FBRSL1: variants seen among roughly 807,000 people sequenced by gnomAD.
FBRSL1 encodes fibrosin-1-like protein.
In FBRSL1, 51 loss-of-function variants were observed where a neutral mutation model predicts 89.6. The observed-to-expected ratio is 0.57, with a 90% CI of 0.45 to 0.72. FBRSL1 has a LOEUF of 0.72. FBRSL1 is among the 30% of genes least tolerant of loss of function. The pLI, the probability that FBRSL1 is intolerant of heterozygous loss-of-function variation, is 0.00. For synonymous variants in FBRSL1, 779 were observed against 681.1 expected (o/e 1.14, Z -2.24); for missense variants, 1,618 against 1,451.8 (o/e 1.11, Z -1.86).
At chr12:132,520,298 C>T (rs1250298327) in intron 2 of FBRSL1, among the ~76,000 whole-genome samples, 1 of 152,118 alleles carries the variant, frequency 6.6e-6, no homozygotes, top group Non-Finnish European at 1.5e-5. Flanking sequence ...TGTGGGAGAG[C>T]TCCCTTTCCC....
At chr12:132,528,060 T>TC in intron 4 of FBRSL1, 72 bp downstream of exon 4, 1 of 1,387,724 alleles carries the variant, frequency 7.2e-7, no homozygotes, top group Non-Finnish European at 1.0e-6. Context: ...ACCTCACCTG[T>TC]CCGAGGCCCC....
At chr12:132,562,285 G>T (rs905802149) in intron 5 of FBRSL1, among the ~76,000 whole-genome samples, 1 of 152,082 alleles carries the variant, frequency 6.6e-6, no homozygotes, top group African/African-American at 2.4e-5. Context: ...AGAGGTTCCT[G>T]TCCTTCTTTC....
chr12:132,525,714 A>G lies in FBRSL1; in HGVS notation c.490-20A>G, dbSNP rs770601088. 1.3e-6 allele frequency: 2 copies of G among 1,537,864 alleles called. No homozygotes were observed. Among genetic ancestry groups the G allele is most frequent in the South Asian group, 1.2e-5 (1 of 83,836 alleles). ...GGTGAGGTGGGGGTTTGCCTGAGAC[A>G]GTGTCTCTCTCTGTCCCAGATGAAG... On this transcript the variant is annotated intron_variant, in intron 2 of 18. Transcript: ENST00000680143.
In FBRSL1 at chr12:132,583,568, C is replaced by T. The variant is rs2040944474; in HGVS notation, c.2799C>T (p.Leu933=). The T allele has an allele frequency of 4.9e-6, 5 of 1,027,902 alleles. 1 individual carries two copies. The South Asian group carries it at 1.6e-4, about 34-fold the overall frequency. The allele number at this position is 1,027,902 out of a possible 1,614,324, so 63.7% of individuals were successfully genotyped here. A position where few individuals can be genotyped will look rare whatever the true frequency, so the allele number is the denominator to read the frequency against. The change falls in exon 19 of 19, where the codon CTC becomes CTT. Residue 933 remains leucine, a synonymous_variant. Transcript: ENST00000680143. The part of the protein sequence containing the change: ...PSLGALHFPR[L]SPAALHNGLL... ...TGGGAGCCCTGCACTTCCCGCGCCT[C>T]TCGCCCGCCGCGCTGCACAATGGGC... is the stretch of plus-strand genomic sequence containing the variant.
chr12:132,573,998 G>A, intron 11 of FBRSL1, 92 bp from the exon 12 acceptor site: 1 of 881,884 alleles, frequency 1.1e-6, no homozygotes, highest in Non-Finnish European at 1.4e-6. Flanking sequence ...AGGCAAAGCA[G>A]GGCACAGGCC....
chr12:132,512,402 A>G (rs1376744723), intron 2 of FBRSL1, among the ~76,000 whole-genome samples: 1 of 152,222 alleles, frequency 6.6e-6, no homozygotes, highest in Non-Finnish European at 1.5e-5. Flanking sequence ...AGGCCGGGGC[A>G]TGGAGGGGCC....
At chr12:132,504,415 C>T (rs899400299) in intron 1 of FBRSL1, among the ~76,000 whole-genome samples, 1 of 152,186 alleles carries the variant, frequency 6.6e-6, no homozygotes, top group African/African-American at 2.4e-5. Context: ...GTCACGGCAG[C>T]CTGCGCCCAG....
intron 5 of FBRSL1, chr12:132,551,742 G>A (rs1340825723): frequency 1.6e-5 from 6 of 370,018 alleles, no homozygotes; most frequent in Non-Finnish European, 3.3e-5. Flanking sequence ...CTGGCCCTTG[G>A]CAGGAGGCTC....
chr12:132,509,195 A>T, intron 2 of FBRSL1: 4 of 1,246,760 alleles, frequency 3.2e-6, no homozygotes, highest in Non-Finnish European at 4.0e-6. Flanking sequence ...GGCCGCTCCC[A>T]GCCAGCCACT....
intron 4 of FBRSL1, among the ~76,000 whole-genome samples, chr12:132,533,088 C>T (rs2036426178): frequency 2.0e-5 from 3 of 152,232 alleles, no homozygotes; most frequent in African/African-American, 4.8e-5. Context: ...ACGGTCTCCT[C>T]CCAACCCAGC....
intron 6 of FBRSL1, among the ~76,000 whole-genome samples, chr12:132,568,302 G>A (rs138883749): frequency 2.5e-3 from 387 of 152,374 alleles, no homozygotes; most frequent in Non-Finnish European, 4.0e-3. Flanking sequence ...GGATGTGATT[G>A]GACAGGACAG....
chr12:132,561,686 C>A lies in FBRSL1; in HGVS notation c.646-5795C>A, dbSNP rs372962192. 1.2e-4 allele frequency among the ~76,000 whole-genome samples: 18 copies of A among 152,246 alleles called. No individual in the cohort carries two copies. The East Asian group carries it at 3.5e-3, about 30-fold the overall frequency. On this transcript the variant is annotated intron_variant, in intron 5 of 18. Coordinates refer to ENST00000680143, the MANE Select transcript of FBRSL1 (RefSeq NM_001367871.1). ...GGCAGTTAACAGGTGGGCCACCTGG[C>A]GAAGAGGCCACTCAAACCCGGGACG...
At chr12:132,492,084 A>C (rs1010673421) in intron 1 of FBRSL1, among the ~76,000 whole-genome samples, 3 of 152,116 alleles carry the variant, frequency 2.0e-5, no homozygotes, top group Admixed American at 1.3e-4. Context: ...AATGACACAG[A>C]CTGTACGTGT....
At chr12:132,540,814 C>T (rs528331126) in intron 4 of FBRSL1, among the ~76,000 whole-genome samples, 1 of 144,536 alleles carries the variant, frequency 6.9e-6, no homozygotes, top group South Asian at 2.1e-4. Flanking sequence ...GCCCCACAAG[C>T]CCAGATCCCC....
chr12:132,568,555 G>A (rs1023933977), intron 6 of FBRSL1, among the ~76,000 whole-genome samples: 16 of 152,258 alleles, frequency 1.1e-4, no homozygotes, highest in Non-Finnish European at 2.1e-4. Context: ...GCATCTGGAC[G>A]GACAATGTCC....
At chr12:132,543,088 A>G (rs2037401924) in intron 4 of FBRSL1, among the ~76,000 whole-genome samples, 1 of 152,018 alleles carries the variant, frequency 6.6e-6, no homozygotes, top group African/African-American at 2.4e-5. Flanking sequence ...GATGCCTCTG[A>G]GGGATGAGGG....
At chr12:132,578,724 C>T (rs1003866659) in intron 15 of FBRSL1, among the ~76,000 whole-genome samples, 23 of 4,302 alleles carry the variant, frequency 5.3e-3, no homozygotes, top group Non-Finnish European at 7.6e-3. Flanking sequence ...CCGCTGCAGC[C>T]CCCCCTCACT....
intron 5 of FBRSL1, among the ~76,000 whole-genome samples, chr12:132,564,041 C>A (rs918186731): frequency 6.6e-6 from 1 of 152,222 alleles, no homozygotes; most frequent in African/African-American, 2.4e-5. Flanking sequence ...CACGGTCACA[C>A]GGCTGCGTGC....
intron 4 of FBRSL1, among the ~76,000 whole-genome samples, chr12:132,530,712 G>A (rs1413071851): frequency 6.9e-6 from 1 of 145,792 alleles, no homozygotes; most frequent in African/African-American, 2.5e-5. Context: ...AGATGGCGGG[G>A]TGGGGGGTGG....
Sources: gnomAD v4.1 joint callset for allele counts (sites outside exome capture counted in the v4.1 genomes callset) on GRCh38, gnomAD v4.1.1 for gene constraint, MANE v1.5 for transcripts, NCBI Gene and HGNC (gene_info 2026-07-23, HGNC 2026-07-21) for gene names.